ABHD3: variants seen among roughly 807,000 people sequenced by gnomAD.
ABHD3 encodes abhydrolase domain containing 3, phospholipase.
Under a neutral mutation model 48.8 loss-of-function variants are expected in ABHD3, and 46 were observed. The observed-to-expected ratio is 0.94, with a 90% CI of 0.74 to 1.20. The LOEUF (loss-of-function observed/expected upper bound fraction) is 1.20. ABHD3 is among the 50% of genes most tolerant of loss of function. The pLI, the probability that ABHD3 is intolerant of heterozygous loss-of-function variation, is 0.00. For missense variants in ABHD3, 490 were observed against 497.8 expected (o/e 0.98, Z 0.15); for synonymous variants, 192 against 183.7 (o/e 1.04, Z -0.36).
intron 8 of ABHD3, among the ~76,000 whole-genome samples, chr18:21,655,371 T>C (rs1169470002): frequency 6.8e-6 from 1 of 146,680 alleles, no homozygotes; most frequent in Non-Finnish European, 1.5e-5. Context: ...CACTGCAACC[T>C]CCGCCTCCTG....
chr18:21,663,673 A>G lies in ABHD3; in HGVS notation c.668+445T>C, dbSNP rs563803425. 90 of 1,535,482 alleles carry G rather than the reference A, an allele frequency of 5.9e-5. 1 individual carries two copies. The South Asian group carries it at 1.0e-3, about 17-fold the overall frequency. ...GCAACAAAACAAAACAAAACAAAATACCACCTGGGGAAAAATAATTTTGAA... is the reference window on the plus strand; with the variant it reads ...GCAACAAAACAAAACAAAACAAAATGCCACCTGGGGAAAAATAATTTTGAA... On this transcript the variant is annotated intron_variant, in intron 5 of 8. Coordinates refer to ENST00000289119, the MANE Select transcript of ABHD3 (RefSeq NM_138340.5).
At chr18:21,659,656 T>TAG (rs141608383) in intron 5 of ABHD3, among the ~76,000 whole-genome samples, 23,700 of 151,714 alleles carry the variant, frequency 0.16, 2,017 homozygotes, top group Middle Eastern at 0.27. Context: ...TGGAATCACC[T>TAG]AGAGTTTTTT....
chr18:21,652,540 G>A (rs2039248246), intron 8 of ABHD3, among the ~76,000 whole-genome samples: 1 of 152,218 alleles, frequency 6.6e-6, no homozygotes, highest in Non-Finnish European at 1.5e-5. Flanking sequence ...ACTTTGGGAA[G>A]TTGAGGCAGG....
chr18:21,703,614 A>G lies in ABHD3; in HGVS notation c.296T>C (p.Ile99Thr). The change falls in exon 2 of 9, where the codon ATC (isoleucine) becomes ACC (threonine). Residue 99 changes from isoleucine (I) to threonine (T), a missense_variant. Physicochemically the swap from Ile to Thr is moderately conservative, Grantham distance 89. Coordinates refer to ENST00000289119, the MANE Select transcript of ABHD3 (RefSeq NM_138340.5). ...GRGQTLLRPFITSKPPVQYRN... is the reference protein window; with the variant it reads ...GRGQTLLRPFTTSKPPVQYRN... ...GTACTGCACCGGGGGCTTCGAAGTGATGAAAGGTCTAAGCAGGGTCTGTCC... is the reference window on the plus strand; with the variant it reads ...GTACTGCACCGGGGGCTTCGAAGTGGTGAAAGGTCTAAGCAGGGTCTGTCC... The G allele has an allele frequency of 6.2e-7, 1 of 1,613,804 alleles. No individual in the cohort carries two copies. Among genetic ancestry groups the G allele is most frequent in the Admixed American group, 1.7e-5 (1 of 60,018 alleles).
At chr18:21,702,648 A>T (rs867219405) in intron 2 of ABHD3, 150 bp from the exon 3 acceptor site, 1 of 629,092 alleles carries the variant, frequency 1.6e-6, no homozygotes. Context: ...TCTACATATC[A>T]TTTTCTTTCA....
At chr18:21,677,724 G>T (rs868355935) in intron 4 of ABHD3, among the ~76,000 whole-genome samples, 1 of 150,904 alleles carries the variant, frequency 6.6e-6, no homozygotes, top group East Asian at 2.0e-4. Context: ...TTGCTCTGTC[G>T]CCAGGCTGGA....
intron 5 of ABHD3, among the ~76,000 whole-genome samples, chr18:21,660,325 T>C (rs1197487231): frequency 6.6e-6 from 1 of 151,884 alleles, no homozygotes; most frequent in South Asian, 2.1e-4. Flanking sequence ...GGCAAGTTTC[T>C]AAATTGCTCT....
intron 3 of ABHD3, among the ~76,000 whole-genome samples, chr18:21,688,846 T>C (rs751978971): frequency 6.6e-6 from 1 of 152,176 alleles, no homozygotes; most frequent in Admixed American, 6.5e-5. Context: ...AAGGTGAGTA[T>C]GTATTAAATG....
chr18:21,697,471 C>T (rs984645472), intron 3 of ABHD3, among the ~76,000 whole-genome samples: 6 of 152,148 alleles, frequency 3.9e-5, no homozygotes, highest in African/African-American at 1.2e-4. Flanking sequence ...CCTCCACCTC[C>T]CGAGTTCAAG....
At chr18:21,655,194 C>T (rs2039314967) in intron 8 of ABHD3, 1 of 151,088 alleles carries the variant, frequency 6.6e-6, no homozygotes, top group Admixed American at 6.6e-5. Context: ...AATTTCACAA[C>T]ATATGTGTTA....
chr18:21,674,463 G>A (rs1366020711), intron 4 of ABHD3, among the ~76,000 whole-genome samples: 1 of 152,084 alleles, frequency 6.6e-6, no homozygotes, highest in Admixed American at 6.6e-5. Flanking sequence ...GCCCAGGCCT[G>A]TCTCCAACTC....
chr18:21,674,958 A>G (rs2850562), intron 4 of ABHD3, among the ~76,000 whole-genome samples: 76,413 of 151,634 alleles, frequency 0.5, 22,363 homozygotes, highest in African/African-American at 0.81. Context: ...TGGGGGAAGA[A>G]CTCTAAGTCC....
chr18:21,693,287 C>T (rs780778559), intron 3 of ABHD3, among the ~76,000 whole-genome samples: 4 of 152,216 alleles, frequency 2.6e-5, no homozygotes, highest in Non-Finnish European at 4.4e-5. Flanking sequence ...ACGCAATCCA[C>T]ACAACCCTGT....
intron 6 of ABHD3, among the ~76,000 whole-genome samples, chr18:21,657,575 C>T (rs751131129): frequency 5.3e-5 from 8 of 151,822 alleles, no homozygotes; most frequent in Admixed American, 2.0e-4. Flanking sequence ...GTCTCAAACT[C>T]CTGGGCTCAA....
intron 3 of ABHD3, among the ~76,000 whole-genome samples, chr18:21,694,299 G>A (rs1455955375): frequency 6.6e-6 from 1 of 152,076 alleles, no homozygotes. Context: ...GTTTCACCAT[G>A]TTGGTCAGGC....
chr18:21,668,782 A>AT (rs2039694127), intron 4 of ABHD3, among the ~76,000 whole-genome samples: 1 of 152,218 alleles, frequency 6.6e-6, no homozygotes, highest in African/African-American at 2.4e-5. Context: ...AACACTGATA[A>AT]TATTGCCAAT....
intron 3 of ABHD3, among the ~76,000 whole-genome samples, chr18:21,698,271 C>T (rs189382366): frequency 1.2e-3 from 179 of 151,920 alleles, no homozygotes; most frequent in African/African-American, 4.0e-3. Flanking sequence ...CTGCAACCTC[C>T]GCCTCCTGGG....
intron 1 of ABHD3, 148 bp from the exon 2 acceptor site, chr18:21,703,895 C>G: frequency 1.3e-6 from 1 of 788,338 alleles, no homozygotes; most frequent in Non-Finnish European, 2.0e-6. Flanking sequence ...TTCACAGTCA[C>G]AGAGGACTGA....
intron 5 of ABHD3, chr18:21,661,971 CT>C: frequency 6.7e-6 from 1 of 150,130 alleles, no homozygotes; most frequent in Non-Finnish European, 1.5e-5. Flanking sequence ...CGCGCCTGGC[CT>C]TTTTTTGTGT....
Sources: gnomAD v4.1 joint callset for allele counts (sites outside exome capture counted in the v4.1 genomes callset) on GRCh38, gnomAD v4.1.1 for gene constraint, MANE v1.5 for transcripts, NCBI Gene and HGNC (gene_info 2026-07-23, HGNC 2026-07-21) for gene names.